EYS: variants seen among roughly 807,000 people sequenced by gnomAD.
The protein encoded by EYS is protein eyes shut homolog.
In EYS, 250 loss-of-function variants were observed where a neutral mutation model predicts 282.1. That is an observed-to-expected ratio of 0.89 (90% CI 0.80 to 0.98). The LOEUF is 0.98. Ranked by LOEUF, EYS falls within the 50% of genes least tolerant of loss-of-function variation. EYS has a pLI of 0.00. For missense variants in EYS, 4,016 were observed against 3,709.0 expected (o/e 1.08, Z -2.15); for synonymous variants, 1,355 against 1,282.9 (o/e 1.06, Z -1.20).
intron 13 of EYS, among the ~76,000 whole-genome samples, chr6:65,040,783 A>G (rs1772910572): frequency 6.6e-6 from 1 of 151,724 alleles, no homozygotes; most frequent in Non-Finnish European, 1.5e-5. Context: ...CAAGCTAGTC[A>G]TACAGAAAAC....
rs1335553711 is a variant in EYS at position 64,813,250 on chromosome 6, T to TTA, written c.3443+126_3443+127dup. ...GTAATTGTTATTTTCTAAGTTGTGC[T>TTA]TATATATATATAAGGTAAAATCTTA... On this transcript the variant is annotated intron_variant, in intron 22 of 42. Coordinates refer to ENST00000503581, the MANE Select transcript of EYS (RefSeq NM_001142800.2). 62 of 599,834 alleles carry TTA rather than the reference T, an allele frequency of 1.0e-4. No homozygotes were observed. In the East Asian group the frequency reaches 1.1e-3, roughly 10 times the overall value. 37.2% of individuals were successfully genotyped at this position (599,834 alleles called of 1,614,324 possible).
At chr6:64,687,681 CTTT>C (rs1053764706) in intron 22 of EYS, among the ~76,000 whole-genome samples, 4 of 152,100 alleles carry the variant, frequency 2.6e-5, no homozygotes, top group Non-Finnish European at 5.9e-5. Context: ...CTAAAATTCT[CTTT>C]TTTTGTTGTG....
At chr6:65,463,795 T>C (rs1764901286) in intron 5 of EYS, among the ~76,000 whole-genome samples, 1 of 152,154 alleles carries the variant, frequency 6.6e-6, no homozygotes, top group African/African-American at 2.4e-5. Context: ...GACCCATTTA[T>C]GCCTAGTGTT....
At chr6:63,977,639 T>C (rs1766901344) in intron 35 of EYS, among the ~76,000 whole-genome samples, 1 of 151,884 alleles carries the variant, frequency 6.6e-6, no homozygotes. Flanking sequence ...AGAGAATATT[T>C]TCCCCCTCAG....
chr6:63,782,894 C>T (rs751689559), intron 39 of EYS, among the ~76,000 whole-genome samples: 1 of 149,772 alleles, frequency 6.7e-6, no homozygotes, highest in Middle Eastern at 3.5e-3. Flanking sequence ...ATTTAGCCAA[C>T]CATTTGACTG....
intron 8 of EYS, among the ~76,000 whole-genome samples, chr6:65,355,135 C>T (rs949670511): frequency 6.6e-6 from 1 of 151,994 alleles, no homozygotes; most frequent in Non-Finnish European, 1.5e-5. Context: ...GTACATTATT[C>T]ATATTGATAG....
At chr6:64,766,713 T>C (rs1413424579) in intron 22 of EYS, among the ~76,000 whole-genome samples, 1 of 128,730 alleles carries the variant, frequency 7.8e-6, no homozygotes, top group African/African-American at 2.8e-5. Context: ...ACTGTGCCCT[T>C]CCACTGAGAA....
At chr6:64,477,983 A>G (rs1776324814) in intron 26 of EYS, among the ~76,000 whole-genome samples, 2 of 152,014 alleles carry the variant, frequency 1.3e-5, no homozygotes, top group South Asian at 4.1e-4. Context: ...TCCTGTCATT[A>G]CCATTCATCT....
chr6:65,374,299 G>A (rs1220451135), intron 8 of EYS, among the ~76,000 whole-genome samples: 6 of 152,086 alleles, frequency 3.9e-5, no homozygotes, highest in Non-Finnish European at 5.9e-5. Flanking sequence ...TAAGGGGTCA[G>A]GGACCTCCCT....
chr6:63,851,212 C>A (rs1467240584), intron 36 of EYS, among the ~76,000 whole-genome samples: 2 of 152,280 alleles, frequency 1.3e-5, no homozygotes, highest in African/African-American at 4.8e-5. Context: ...TAGATTCGCA[C>A]ACAATAATAG....
At chr6:64,338,097 CCTCTTCAACATAG>C (rs1291017701) in intron 29 of EYS, among the ~76,000 whole-genome samples, 2 of 151,912 alleles carry the variant, frequency 1.3e-5, no homozygotes, top group Admixed American at 1.3e-4. Context: ...TCTCACCTCT[CCTCTTCAACATAG>C]TACTGAAAGT....
chr6:64,156,888 A>ATTT (rs1774941042), intron 31 of EYS, among the ~76,000 whole-genome samples: 1 of 136,222 alleles, frequency 7.3e-6, no homozygotes, highest in African/African-American at 3.7e-5. Context: ...TTAATTTTTA[A>ATTT]TTAATTTATT....
At chr6:65,455,408 A>C (rs921089481) in intron 5 of EYS, among the ~76,000 whole-genome samples, 1 of 152,090 alleles carries the variant, frequency 6.6e-6, no homozygotes, top group Non-Finnish European at 1.5e-5. Context: ...AGAATCTTTA[A>C]GGTTTTCTAT....
intron 14 of EYS, among the ~76,000 whole-genome samples, chr6:64,959,406 A>C (rs1178449209): frequency 6.6e-6 from 1 of 152,068 alleles, no homozygotes; most frequent in African/African-American, 2.4e-5. Flanking sequence ...TTCCTTCATT[A>C]TTCTTTATTT....
At chr6:65,123,697 AT>A (rs1174250492) in intron 12 of EYS, among the ~76,000 whole-genome samples, 1 of 151,780 alleles carries the variant, frequency 6.6e-6, no homozygotes, top group Non-Finnish European at 1.5e-5. Context: ...AAAACTTCCA[AT>A]TGGTGGCTAT....
intron 14 of EYS, among the ~76,000 whole-genome samples, chr6:64,971,352 C>T (rs1345769985): frequency 1.3e-5 from 2 of 151,442 alleles, no homozygotes; most frequent in South Asian, 2.1e-4. Context: ...AAGTGAGCAT[C>T]GGGACTTAAG....
At chr6:64,797,217 A>C (rs1413541720) in intron 22 of EYS, among the ~76,000 whole-genome samples, 1 of 152,126 alleles carries the variant, frequency 6.6e-6, no homozygotes, top group African/African-American at 2.4e-5. Flanking sequence ...ATGTGAGGAA[A>C]GAGAAAAATA....
At chr6:64,775,884 G>T (rs1227205186) in intron 22 of EYS, among the ~76,000 whole-genome samples, 2 of 152,012 alleles carry the variant, frequency 1.3e-5, no homozygotes, top group Non-Finnish European at 2.9e-5. Context: ...GCTGCTAGCT[G>T]TTTTGTGTTT....
At chr6:64,223,611 T>G (rs1458460836) in intron 31 of EYS, among the ~76,000 whole-genome samples, 1 of 152,086 alleles carries the variant, frequency 6.6e-6, no homozygotes, top group African/African-American at 2.4e-5. Context: ...GTTACTAAAC[T>G]TTTTTTGAAC....
Sources: allele counts gnomAD v4.1 joint callset (sites outside exome capture counted in the v4.1 genomes callset), GRCh38; gene constraint gnomAD v4.1.1; transcripts MANE v1.5; gene names NCBI Gene and HGNC (gene_info 2026-07-23, HGNC 2026-07-21).